CLDN14: variants seen among roughly 807,000 people sequenced by gnomAD.
CLDN14 encodes claudin 14.
Under a neutral mutation model 2.1 loss-of-function variants are expected in CLDN14, and 2 were observed. The observed-to-expected ratio is 0.96, with a 90% confidence interval of 0.39 to 3.01. The LOEUF (loss-of-function observed/expected upper bound fraction) is 3.01, where lower values mean the gene tolerates loss of function less well. Among genes scored for constraint, CLDN14 ranks in the 30% most tolerant of loss-of-function variants. CLDN14 has a pLI of 0.09. For synonymous variants in CLDN14, 136 were observed against 154.4 expected (o/e 0.88, Z 0.88); for missense variants, 298 against 328.0 (o/e 0.91, Z 0.71).
chr21:36,486,691 A>G, intron 2 of CLDN14: 1 of 1,308,122 alleles, frequency 7.6e-7, no homozygotes, highest in Non-Finnish European at 1.1e-6. Flanking sequence ...TCATGTCAAC[A>G]TTTACTTTCT....
At chr21:36,464,265 G>A (rs542673507) in intron 1 of CLDN14, among the ~76,000 whole-genome samples, 5 of 152,262 alleles carry the variant, frequency 3.3e-5, no homozygotes, top group East Asian at 3.9e-4. Context: ...CCCCAGCCAC[G>A]CTTCCTGTAC....
rs963032887 is a variant in CLDN14, at chr21:36,495,278, G to A, written c.-82+15085C>T. On this transcript the variant is annotated intron_variant, in intron 2 of 2. Coordinates refer to the CLDN14 transcript ENST00000342108. ...CGGGAGGCGGAGGTTGCTGTGAGCC[G>A]AGATCGTGCCATTGCACTCCAGCCT... Among the ~76,000 whole-genome samples the A allele has an allele frequency of 5.3e-5, 8 of 152,164 alleles. 1 individual carries two copies. Among genetic ancestry groups the A allele is most frequent in the East Asian group, 3.8e-4 (2 of 5,204 alleles).
At chr21:36,513,034 C>T (rs913870283) in intron 1 of CLDN14, among the ~76,000 whole-genome samples, 1 of 152,194 alleles carries the variant, frequency 6.6e-6, no homozygotes, top group Admixed American at 6.5e-5. Flanking sequence ...TGCTGCCGCT[C>T]CTCTTCCTCC....
intron 2 of CLDN14, chr21:36,486,589 C>T: frequency 6.4e-7 from 1 of 1,552,728 alleles, no homozygotes; most frequent in South Asian, 1.1e-5. Context: ...GAGGCACTGC[C>T]ACCAGATGAG....
chr21:36,514,637 G>C (rs1488548133), intron 1 of CLDN14, among the ~76,000 whole-genome samples: 1 of 148,162 alleles, frequency 6.7e-6, no homozygotes, highest in East Asian at 2.0e-4. Flanking sequence ...GTGTGTGTGT[G>C]TGTGTGTGTG....
chr21:36,523,704 T>G, intron 1 of CLDN14, among the ~76,000 whole-genome samples: 1 of 147,826 alleles, frequency 6.8e-6, no homozygotes. Flanking sequence ...GCCGAGACTT[T>G]TCCACTGCAC....
intron 2 of CLDN14, among the ~76,000 whole-genome samples, chr21:36,500,195 C>G (rs1206250135): frequency 6.6e-6 from 1 of 151,960 alleles, no homozygotes; most frequent in Non-Finnish European, 1.5e-5. Context: ...AATCAGGGAG[C>G]GGGCAAGGAA....
In CLDN14 at chr21:36,544,437, C is replaced by G. The variant is rs1300612155; in HGVS notation, c.-220+31974G>C. Among the ~76,000 whole-genome samples the G allele has an allele frequency of 1.3e-5, 2 of 152,134 alleles. No individual in the cohort carries two copies. The highest frequency in any genetic ancestry group is 2.9e-5 in the Non-Finnish European group (2 of 68,024). On this transcript the variant is annotated intron_variant, in intron 1 of 2. Transcript: ENST00000342108. This position sits in a 1 kb window ranked among gnomAD's most constrained non-coding sequence, Gnocchi z 4.1. ...CCTCCAAGACTAGAACAAAGTTCTC[C>G]CAGGCCTCAGACAGTCATCCCTGCC...
chr21:36,539,858 T>C (rs1212215328), intron 1 of CLDN14, among the ~76,000 whole-genome samples: 3 of 150,104 alleles, frequency 2.0e-5, no homozygotes, highest in East Asian at 4.0e-4. Flanking sequence ...AGAGTGAGTG[T>C]GTGTGTGCAG....
At chr21:36,475,514 C>T (rs189782844) in intron 1 of CLDN14, among the ~76,000 whole-genome samples, 2 of 152,318 alleles carry the variant, frequency 1.3e-5, no homozygotes, top group African/African-American at 2.4e-5. Context: ...CTCCCCCACC[C>T]GGTGATTCTG....
chr21:36,544,374 T>C lies in CLDN14; in HGVS notation c.-220+32037A>G, dbSNP rs530357223. Among the ~76,000 whole-genome samples the C allele has an allele frequency of 3.8e-4, 58 of 152,292 alleles. 1 individual carries two copies. In the South Asian group the frequency reaches 6.8e-3, roughly 18 times the overall value. The stretch of plus-strand genomic sequence containing the variant: ...CTGACATCCAGACCCCATCACAGGG[T>C]AGGCCTGCTGGATTGTGGGTGTCTT... On this transcript the variant is annotated intron_variant, in intron 1 of 2. Transcript: ENST00000342108. This position sits in a 1 kb window ranked among gnomAD's most constrained non-coding sequence, Gnocchi z 4.1.
At chr21:36,543,320 C>T (rs577867175) in intron 1 of CLDN14, among the ~76,000 whole-genome samples, 5 of 152,128 alleles carry the variant, frequency 3.3e-5, no homozygotes, top group South Asian at 4.2e-4. Context: ...TAGCAGTGAA[C>T]AAAAAATGTC....
At chr21:36,543,986 C>T (rs983417905) in intron 1 of CLDN14, among the ~76,000 whole-genome samples, 3 of 152,152 alleles carry the variant, frequency 2.0e-5, no homozygotes, top group African/African-American at 7.2e-5. Flanking sequence ...GCTCAGGATC[C>T]CCAAGGCTGC....
intron 1 of CLDN14, among the ~76,000 whole-genome samples, chr21:36,549,588 C>T (rs957277116): frequency 2.0e-5 from 3 of 152,138 alleles, no homozygotes; most frequent in African/African-American, 2.4e-5. Context: ...GCCGGTGGGG[C>T]GAGAATTACT....
At chr21:36,538,676 G>A (rs768969541) in intron 1 of CLDN14, among the ~76,000 whole-genome samples, 1 of 152,148 alleles carries the variant, frequency 6.6e-6, no homozygotes, top group Admixed American at 6.5e-5. Context: ...TCTGCCCAGC[G>A]TCCAGCAGCA....
At chr21:36,471,336 T>C (rs1471323444) in intron 1 of CLDN14, among the ~76,000 whole-genome samples, 2 of 152,148 alleles carry the variant, frequency 1.3e-5, no homozygotes, top group African/African-American at 2.4e-5. Flanking sequence ...CCCTGCAAAT[T>C]TGAAAATTCA....
At position 36,529,659 on chromosome 21, in the gene CLDN14, A is replaced by G. The variant is rs141270244; in HGVS notation, c.-219-19159T>C. Among the ~76,000 whole-genome samples the G allele has an allele frequency of 3.9e-5, 6 of 152,314 alleles. No individual in the cohort carries two copies. The East Asian group carries it at 5.8e-4, about 15-fold the overall frequency. ...TTCAGGATCCAAGGAGTGAACCACT[A>G]TGGAAATTTTTCTGTAATAATTTCC... On this transcript the variant is annotated intron_variant, in intron 1 of 2. Transcript: ENST00000342108.
chr21:36,525,995 G>T (rs568687754), intron 1 of CLDN14, among the ~76,000 whole-genome samples: 6 of 152,086 alleles, frequency 3.9e-5, no homozygotes, highest in African/African-American at 1.4e-4. Context: ...TTCTGTTGGC[G>T]GGTCCAGCCT....
chr21:36,539,612 T>A (rs549863784), intron 1 of CLDN14, among the ~76,000 whole-genome samples: 1 of 141,346 alleles, frequency 7.1e-6, no homozygotes, highest in African/African-American at 2.7e-5. Flanking sequence ...AGTGAATGTA[T>A]GTGGAGTGTG....
Sources: allele counts gnomAD v4.1 joint callset (sites outside exome capture counted in the v4.1 genomes callset), GRCh38; gene constraint gnomAD v4.1.1; non-coding constraint Gnocchi (gnomAD v3.1); transcripts MANE v1.5; gene names NCBI Gene and HGNC (gene_info 2026-07-23, HGNC 2026-07-21).